MEI4: variants seen among roughly 807,000 people sequenced by gnomAD.
The protein encoded by MEI4 is meiotic double-stranded break formation protein 4.
Under a neutral mutation model 31.4 loss-of-function variants are expected in MEI4, and 27 were observed. The observed-to-expected ratio is 0.86, with a 90% CI of 0.63 to 1.19. The LOEUF (loss-of-function observed/expected upper bound fraction) is 1.19. Among genes scored for constraint, MEI4 ranks in the 50% most tolerant of loss-of-function variants. MEI4 has a pLI of 0.00. For missense variants in MEI4, 329 were observed against 398.9 expected (o/e 0.82, Z 1.49); for synonymous variants, 122 against 145.4 (o/e 0.84, Z 1.16).
chr6:77,770,713 G>A (rs1422315152), intron 3 of MEI4, among the ~76,000 whole-genome samples: 1 of 152,076 alleles, frequency 6.6e-6, no homozygotes, highest in Non-Finnish European at 1.5e-5. Flanking sequence ...CCAGCCATCC[G>A]ATGTTTGAGA....
intron 3 of MEI4, among the ~76,000 whole-genome samples, chr6:77,822,086 C>A (rs546177237): frequency 4.6e-5 from 7 of 152,038 alleles, no homozygotes; most frequent in African/African-American, 1.7e-4. Flanking sequence ...TTTTCTTTTT[C>A]TTTTGACCAT....
intron 4 of MEI4, among the ~76,000 whole-genome samples, chr6:77,916,593 A>G (rs1000782083): frequency 6.6e-6 from 1 of 152,062 alleles, no homozygotes; most frequent in East Asian, 1.9e-4. Context: ...CTAATTTTAC[A>G]TAGTATTCCA....
intron 4 of MEI4, among the ~76,000 whole-genome samples, chr6:77,905,089 A>G (rs1766263812): frequency 6.6e-6 from 1 of 152,082 alleles, no homozygotes; most frequent in Non-Finnish European, 1.5e-5. Context: ...GGGGGTTGAT[A>G]AACTCTCTCA....
intron 2 of MEI4, among the ~76,000 whole-genome samples, chr6:77,736,269 G>C (rs1767211237): frequency 6.6e-6 from 1 of 151,966 alleles, no homozygotes; most frequent in Admixed American, 6.5e-5. Context: ...TCAGAGGGCT[G>C]TGCTAGCAAT....
chr6:77,771,829 A>G (rs972564664), intron 3 of MEI4, among the ~76,000 whole-genome samples: 5 of 151,998 alleles, frequency 3.3e-5, no homozygotes, highest in African/African-American at 9.7e-5. Context: ...AAAAATACCT[A>G]TTGAGCACTG....
At chr6:77,652,393 A>T (rs1284436919), upstream of MEI4, among the ~76,000 whole-genome samples, 1 of 152,162 alleles carries the variant, frequency 6.6e-6, no homozygotes. Flanking sequence ...AGTGGTCTTA[A>T]GGTTTGGCAG....
intron 2 of MEI4, among the ~76,000 whole-genome samples, chr6:77,697,750 TG>T (rs202050136): frequency 0.023 from 3,446 of 152,276 alleles, 132 homozygotes; most frequent in African/African-American, 0.078. Flanking sequence ...TCTGTTGATT[TG>T]GGGTGGAGAG....
chr6:77,845,523 C>A (rs1208325375), intron 4 of MEI4, among the ~76,000 whole-genome samples: 1 of 152,032 alleles, frequency 6.6e-6, no homozygotes, highest in Non-Finnish European at 1.5e-5. Flanking sequence ...TGTATTAATC[C>A]ATGGAGTGAG....
At chr6:77,908,763 A>T (rs555811228) in intron 4 of MEI4, among the ~76,000 whole-genome samples, 1 of 152,180 alleles carries the variant, frequency 6.6e-6, no homozygotes, top group Admixed American at 6.6e-5. Flanking sequence ...AGGCCATTAC[A>T]TAATGGTAAA....
chr6:77,875,485 T>C (rs1771312016), intron 4 of MEI4, among the ~76,000 whole-genome samples: 1 of 152,230 alleles, frequency 6.6e-6, no homozygotes, highest in African/African-American at 2.4e-5. Flanking sequence ...TTGTAAAAGA[T>C]ATAGGACCCT....
chr6:77,922,060 A>G (rs1193765645), intron 4 of MEI4, among the ~76,000 whole-genome samples: 2 of 151,734 alleles, frequency 1.3e-5, no homozygotes, highest in African/African-American at 2.4e-5. Flanking sequence ...AAAAATTGCA[A>G]TATCTGGGAG....
chr6:77,760,235 CAT>C (rs576575188), intron 2 of MEI4, among the ~76,000 whole-genome samples: 2 of 151,816 alleles, frequency 1.3e-5, no homozygotes, highest in African/African-American at 4.8e-5. Context: ...TATATACACA[CAT>C]ATATATACAC....
intron 2 of MEI4, among the ~76,000 whole-genome samples, chr6:77,701,034 G>A (rs1258981642): frequency 6.6e-6 from 1 of 152,232 alleles, no homozygotes; most frequent in Non-Finnish European, 1.5e-5. Context: ...TTTGTGATGT[G>A]TGGCAGGTAT....
intron 2 of MEI4, among the ~76,000 whole-genome samples, chr6:77,728,203 A>G (rs1173888059): frequency 6.6e-6 from 1 of 152,224 alleles, no homozygotes; most frequent in Non-Finnish European, 1.5e-5. Context: ...TTTCAATACA[A>G]TAATGAAGAT....
At chr6:77,767,497 C>T (rs1768204707) in intron 3 of MEI4, among the ~76,000 whole-genome samples, 1 of 152,044 alleles carries the variant, frequency 6.6e-6, no homozygotes, top group African/African-American at 2.4e-5. Flanking sequence ...GAGTTTGAGA[C>T]CATCCTTGGC....
chr6:77,737,868 G>T (rs1352055821), intron 2 of MEI4, among the ~76,000 whole-genome samples: 1 of 152,202 alleles, frequency 6.6e-6, no homozygotes, highest in Non-Finnish European at 1.5e-5. Context: ...GCAGGAAGTT[G>T]TACCAAGAGT....
At chr6:77,732,796 C>T (rs1297081523) in intron 2 of MEI4, among the ~76,000 whole-genome samples, 2 of 151,978 alleles carry the variant, frequency 1.3e-5, no homozygotes, top group Admixed American at 6.6e-5. Context: ...TTTTGAAATA[C>T]GTCCCATCAA....
chr6:77,827,918 T>A lies in MEI4; in HGVS notation c.769-1013T>A, dbSNP rs571626640. ...ATAGCTATACTATGGAAGAGCTCTTTATGATGAAATTCTCTTCTCATCAGT... is the reference window on the plus strand; with the variant it reads ...ATAGCTATACTATGGAAGAGCTCTTAATGATGAAATTCTCTTCTCATCAGT... On this transcript the variant is annotated intron_variant, in intron 3 of 4. Coordinates refer to ENST00000684080, the MANE Select transcript of MEI4 (RefSeq NM_001322247.2). Among the ~76,000 whole-genome samples, 41 of 152,270 alleles carry A rather than the reference T, an allele frequency of 2.7e-4. No homozygotes were observed. The Middle Eastern group carries it at 0.017, about 63-fold the overall frequency.
chr6:77,825,078 A>G (rs1582187016), intron 3 of MEI4, among the ~76,000 whole-genome samples: 1 of 152,054 alleles, frequency 6.6e-6, no homozygotes, highest in Non-Finnish European at 1.5e-5. Context: ...TTTTCATTAT[A>G]TTCTTATAAT....
Sources: allele counts gnomAD v4.1 joint callset (sites outside exome capture counted in the v4.1 genomes callset), GRCh38; gene constraint gnomAD v4.1.1; transcripts MANE v1.5; gene names NCBI Gene and HGNC (gene_info 2026-07-23, HGNC 2026-07-21).